The following MAPK4 variants were observed in gnomAD, a reference collection of about 807,000 sequenced individuals.
MAPK4 encodes the protein Erk3-related.
MAPK4 carries 22 observed loss-of-function variants against 47.7 expected under a neutral mutation model. The ratio of observed to expected loss-of-function variants is 0.46; its 90% CI spans 0.33 to 0.66. The LOEUF (loss-of-function observed/expected upper bound fraction) is 0.66. Among genes scored for constraint, MAPK4 ranks in the 30% least tolerant of loss-of-function variants. MAPK4 has a pLI of 0.02. For missense variants in MAPK4, 736 were observed against 831.7 expected (o/e 0.88, Z 1.42); for synonymous variants, 390 against 365.7 (o/e 1.07, Z -0.76).
At chr18:50,565,518 G>A (rs1450074954) in intron 1 of MAPK4, among the ~76,000 whole-genome samples, 1 of 152,184 alleles carries the variant, frequency 6.6e-6, no homozygotes, top group East Asian at 1.9e-4. Context: ...GGGATGAGAT[G>A]TCCTTGCATT....
intron 2 of MAPK4, among the ~76,000 whole-genome samples, chr18:50,711,943 C>T (rs1011740361): frequency 1.1e-4 from 17 of 151,836 alleles, no homozygotes; most frequent in Admixed American, 3.3e-4. Context: ...CTCTCCCATT[C>T]GGACACCCAG....
At chr18:50,687,592 G>A (rs1342341892) in intron 2 of MAPK4, among the ~76,000 whole-genome samples, 2 of 152,208 alleles carry the variant, frequency 1.3e-5, no homozygotes, top group African/African-American at 2.4e-5. Context: ...CCTGGTACAC[G>A]CCTGCAGGAG....
At position 50,664,253 on chromosome 18, in the gene MAPK4, A is replaced by G. The variant is rs886982579; in HGVS notation, c.295A>G (p.Ser99Gly). The change falls in exon 2 of 6, where the codon AGC becomes GGC. Residue 99 changes from serine to glycine, a missense_variant. By Grantham distance (56) the Ser-to-Gly change is moderately conservative (BLOSUM62 0). This residue lies in a region of MAPK4 where 327 missense variants were observed against 395.4 expected (regional missense o/e 0.83). Coordinates refer to ENST00000400384, the MANE Select transcript of MAPK4 (RefSeq NM_002747.4). The surrounding 1 kb of genome is among the most constrained non-coding windows in gnomAD (Gnocchi z 6.0). ...TDLQGELFKF[S>G]VAYIVQEYME... ...CCTGCAGGGTGAGCTGTTCAAGTTC[A>G]GCGTGGCGTACATCGTCCAGGAGTA... is the stretch of plus-strand genomic sequence containing the variant. The G allele has an allele frequency of 6.2e-7, 1 of 1,613,842 alleles. No homozygotes were observed. The highest frequency in any genetic ancestry group is 1.7e-5 in the Admixed American group (1 of 60,014).
rs138992946 is a variant in MAPK4, at chr18:50,680,078, CTTTTTTTTTT to C, written c.546+15595_546+15604del. ...CAGTGCTTTTATATTTGCTTTTAAA[CTTTTTTTTTT>C]TTTTTTTTTTTTTTTTTTTTGAGAC... On this transcript the variant is annotated intron_variant, in intron 2 of 5. Coordinates refer to ENST00000400384, the MANE Select transcript of MAPK4 (RefSeq NM_002747.4). Among the ~76,000 whole-genome samples, 16 of 54,354 alleles carry C rather than the reference CTTTTTTTTTT, an allele frequency of 2.9e-4. No individual in the cohort carries two copies. In the East Asian group the frequency reaches 8.5e-3, roughly 29 times the overall value. The allele number at this position is 54,354 out of a possible 152,430, so 35.7% of individuals were successfully genotyped here.
At chr18:50,616,558 C>T (rs1372217716) in intron 1 of MAPK4, among the ~76,000 whole-genome samples, 1 of 152,156 alleles carries the variant, frequency 6.6e-6, no homozygotes, top group Admixed American at 6.5e-5. Flanking sequence ...CCAGAATAGA[C>T]CATCTGCAGG....
intron 1 of MAPK4, among the ~76,000 whole-genome samples, chr18:50,562,722 T>C (rs552943982): frequency 6.6e-6 from 1 of 152,322 alleles, no homozygotes; most frequent in Admixed American, 6.5e-5. Context: ...AATATTTGAG[T>C]ATTTACAATG....
At chr18:50,578,022 G>A (rs1022875049) in intron 1 of MAPK4, among the ~76,000 whole-genome samples, 2 of 152,224 alleles carry the variant, frequency 1.3e-5, no homozygotes, top group African/African-American at 4.8e-5. Flanking sequence ...AGTTCAGCAA[G>A]TGTTGACTGA....
intron 1 of MAPK4, among the ~76,000 whole-genome samples, chr18:50,565,405 C>T (rs970168395): frequency 4.6e-5 from 7 of 152,188 alleles, no homozygotes; most frequent in African/African-American, 9.6e-5. Context: ...GTTACTGCCT[C>T]GGGAAATGAA....
In MAPK4 at chr18:50,726,804, G is replaced by A. The variant is rs944975080; in HGVS notation, c.1067+629G>A. On this transcript the variant is annotated intron_variant, in intron 5 of 5. Transcript: ENST00000400384. Reference sequence around the variant, plus strand: ...AGTCCCAGACACTGGGAAGGCTGAGGCTGGGGAATCCCTTGAGCCCAGAAG... The same window carrying A: ...AGTCCCAGACACTGGGAAGGCTGAGACTGGGGAATCCCTTGAGCCCAGAAG... Among the ~76,000 whole-genome samples the A allele has an allele frequency of 3.3e-5, 5 of 151,786 alleles. No homozygotes were observed. The East Asian group carries it at 9.7e-4, about 29-fold the overall frequency.
chr18:50,706,512 G>GC (rs1910065109), intron 2 of MAPK4, among the ~76,000 whole-genome samples: 1 of 151,396 alleles, frequency 6.6e-6, no homozygotes, highest in African/African-American at 2.4e-5. Context: ...AGGTCTGAGA[G>GC]CCCGTGCTCT....
chr18:50,719,955 C>T (rs1157505056), intron 3 of MAPK4, among the ~76,000 whole-genome samples: 1 of 152,200 alleles, frequency 6.6e-6, no homozygotes. Flanking sequence ...AACACCTTCC[C>T]CGGAAGTCCT....
At chr18:50,635,692 G>T (rs1242413702) in intron 1 of MAPK4, among the ~76,000 whole-genome samples, 1 of 152,166 alleles carries the variant, frequency 6.6e-6, no homozygotes, top group Non-Finnish European at 1.5e-5. Context: ...TGGTCCATAA[G>T]ACCCCATGCC....
At chr18:50,573,889 T>C in intron 1 of MAPK4, among the ~76,000 whole-genome samples, 1 of 152,204 alleles carries the variant, frequency 6.6e-6, no homozygotes, top group Non-Finnish European at 1.5e-5. Flanking sequence ...AGTGGTGCTG[T>C]CTGGTATTTT....
At chr18:50,711,534 C>T (rs1196349188) in intron 2 of MAPK4, among the ~76,000 whole-genome samples, 4 of 152,248 alleles carry the variant, frequency 2.6e-5, no homozygotes, top group Non-Finnish European at 5.9e-5. Flanking sequence ...GAGGCTGGCC[C>T]CAGCTGGCCT....
chr18:50,662,015 C>T (rs1204479728), intron 1 of MAPK4, among the ~76,000 whole-genome samples: 1 of 152,232 alleles, frequency 6.6e-6, no homozygotes, highest in Non-Finnish European at 1.5e-5. Context: ...TTCAGATCAT[C>T]TGTGTCCCCT....
Position 50,729,513 on chromosome 18 carries a change from G to T in MAPK4, c.1423G>T (p.Gly475Trp). The T allele has an allele frequency of 6.9e-7, 1 of 1,444,838 alleles. No homozygotes were observed. 89.5% of individuals were successfully genotyped at this position (1,444,838 alleles called of 1,614,324 possible). A position where few individuals can be genotyped will look rare whatever the true frequency, so the allele number is the denominator to read the frequency against. ...QAAGAPPTAT[G>W]LADTGAREDE... ...GGCCGGCGCGCCCCCCACGGCCACGGGGCTGGCGGACACGGGGGCGCGCGA... is the reference window on the plus strand; with the variant it reads ...GGCCGGCGCGCCCCCCACGGCCACGTGGCTGGCGGACACGGGGGCGCGCGA... The change falls in exon 6 of 6, where the codon GGG becomes TGG. Residue 475 changes from glycine (G) to tryptophan (W), a missense_variant. Transcript: ENST00000400384.
chr18:50,637,772 T>C (rs1264269754), intron 1 of MAPK4, among the ~76,000 whole-genome samples: 1 of 152,236 alleles, frequency 6.6e-6, no homozygotes, highest in African/African-American at 2.4e-5. Flanking sequence ...TCTCCCTGGC[T>C]TGCACGTGGC....
At position 50,608,974 on chromosome 18, in the gene MAPK4, ACCAC is replaced by A. The variant is rs1272795082; in HGVS notation, c.-871+48734_-871+48737del. ...ATCTGTTTAACGAAGCACATCTTGC[ACCAC>A]CCTTAATCCATTTAACCCTGAGTGG... On this transcript the variant is annotated intron_variant, in intron 1 of 5. Coordinates refer to ENST00000400384, the MANE Select transcript of MAPK4 (RefSeq NM_002747.4). Among the ~76,000 whole-genome samples the A allele has an allele frequency of 2.0e-5, 3 of 152,112 alleles. No homozygotes were observed. In the East Asian group the frequency reaches 5.8e-4, roughly 29 times the overall value.
chr18:50,678,463 T>C lies in MAPK4; in HGVS notation c.546+13959T>C, dbSNP rs1209900239. On this transcript the variant is annotated intron_variant, in intron 2 of 5. Coordinates refer to ENST00000400384, the MANE Select transcript of MAPK4 (RefSeq NM_002747.4). The surrounding 1 kb of genome is among the most constrained non-coding windows in gnomAD (Gnocchi z 4.2). ...ATCGGCAGTGACCAATCAGAGTAGA[T>C]ACTGTCTGGGAGCCGCCATCACCCC... Among the ~76,000 whole-genome samples the C allele has an allele frequency of 6.6e-6, 1 of 152,138 alleles. No homozygotes were observed. The highest frequency in any genetic ancestry group is 2.4e-5 in the African/African-American group (1 of 41,436).
Sources: allele counts gnomAD v4.1 joint callset (sites outside exome capture counted in the v4.1 genomes callset), GRCh38; gene constraint gnomAD v4.1.1; regional missense constraint gnomAD v4.1.1; non-coding constraint Gnocchi (gnomAD v3.1); transcripts MANE v1.5; gene names NCBI Gene and HGNC (gene_info 2026-07-23, HGNC 2026-07-21).